ROR1: variants seen among roughly 807,000 people sequenced by gnomAD.
ROR1 encodes ROR family WNT receptor 1.
Under a neutral mutation model 78.8 loss-of-function variants are expected in ROR1, and 19 were observed. The ratio of observed to expected loss-of-function variants is 0.24; its 90% CI spans 0.17 to 0.35. The LOEUF (loss-of-function observed/expected upper bound fraction) is 0.35, where lower values mean the gene tolerates loss of function less well. Among genes scored for constraint, ROR1 ranks in the 10% least tolerant of loss-of-function variants. ROR1 has a pLI of 1.00. For missense variants in ROR1, 917 were observed against 1,177.8 expected (o/e 0.78, Z 3.24); for synonymous variants, 386 against 433.6 (o/e 0.89, Z 1.36).
At chr1:64,124,125 GAAT>G (rs1342931316) in intron 4 of ROR1, among the ~76,000 whole-genome samples, 2 of 152,154 alleles carry the variant, frequency 1.3e-5, no homozygotes, top group African/African-American at 4.8e-5. Flanking sequence ...TATGTGTACA[GAAT>G]ATATGCTACA....
At chr1:63,851,713 C>A (rs760604009) in intron 1 of ROR1, among the ~76,000 whole-genome samples, 12 of 152,136 alleles carry the variant, frequency 7.9e-5, no homozygotes, top group Non-Finnish European at 1.3e-4. Context: ...ATTATAAGCT[C>A]ATTTGGTAGG....
intron 1 of ROR1, among the ~76,000 whole-genome samples, chr1:63,871,218 T>G (rs1645249533): frequency 6.6e-6 from 1 of 152,182 alleles, no homozygotes; most frequent in South Asian, 2.1e-4. Context: ...TATTTCAAAA[T>G]CTATGAAAAG....
At chr1:64,063,873 T>C (rs1184865499) in intron 4 of ROR1, among the ~76,000 whole-genome samples, 1 of 152,206 alleles carries the variant, frequency 6.6e-6, no homozygotes, top group African/African-American at 2.4e-5. Context: ...CCAAGTGATG[T>C]CATGTCCATG....
chr1:63,774,386 C>G lies in ROR1; in HGVS notation c.-32C>G. The G allele has an allele frequency of 8.6e-7, 1 of 1,163,090 alleles. No individual in the cohort carries two copies. The highest frequency in any genetic ancestry group is 1.1e-6 in the Non-Finnish European group (1 of 917,238). The allele number at this position is 1,163,090 out of a possible 1,614,324, so 72.0% of individuals were successfully genotyped here. ...GGATGTTCTGCGCGCGGCCTGGGAG[C>G]CGCCGCCGCCGCCGCCTCAGCGAGA... is the stretch of plus-strand genomic sequence containing the variant. On this transcript the variant is annotated 5_prime_UTR_variant, in exon 1 of 9. Coordinates refer to ENST00000371079, the MANE Select transcript of ROR1 (RefSeq NM_005012.4). This position sits in a 1 kb window ranked among gnomAD's most constrained non-coding sequence, Gnocchi z 5.7.
At chr1:63,780,397 T>A (rs1644643872) in intron 1 of ROR1, among the ~76,000 whole-genome samples, 1 of 152,170 alleles carries the variant, frequency 6.6e-6, no homozygotes, top group South Asian at 2.1e-4. Flanking sequence ...TGAGCCTCTG[T>A]TTTCTTATCT....
At chr1:63,828,111 A>T (rs1283927962) in intron 1 of ROR1, among the ~76,000 whole-genome samples, 1 of 152,208 alleles carries the variant, frequency 6.6e-6, no homozygotes, top group Non-Finnish European at 1.5e-5. Flanking sequence ...AGAGAAAAAA[A>T]ATTCCACTTA....
rs556497678 is a variant in ROR1 at position 64,108,395 on chromosome 1, T to TAAAAA, written c.483-28940_483-28936dup. 1.1e-3 allele frequency: 52 copies of TAAAAA among 48,292 alleles called. 6 individuals carry two copies. Among genetic ancestry groups the TAAAAA allele is most frequent in the African/African-American group, 3.7e-3 (47 of 12,574 alleles). The allele number at this position is 48,292 out of a possible 1,614,324, so 3.0% of individuals were successfully genotyped here. On this transcript the variant is annotated intron_variant, in intron 4 of 8. Transcript: ENST00000371079. ...ATGGGCGACAGAGTGAGACTCCATC[T>TAAAAA]AAAAAAAAAAAAAAAAAAAAAAAAA...
In ROR1 at chr1:63,924,932, C is replaced by CTTT. The variant is rs751680204; in HGVS notation, c.92-84351_92-84349dup. Among the ~76,000 whole-genome samples the CTTT allele has an allele frequency of 9.6e-3, 817 of 84,972 alleles. 16 individuals carry two copies. Among genetic ancestry groups the CTTT allele is most frequent in the African/African-American group, 0.031 (783 of 25,488 alleles). 55.7% of individuals were successfully genotyped at this position (84,972 alleles called of 152,430 possible). On this transcript the variant is annotated intron_variant, in intron 1 of 8. Transcript: ENST00000371079. ...GCGGATTGGACCAGCAAAGGGGATG[C>CTTT]TTTTTTTTTTTTTTTTTTTTTTTTA...
At chr1:63,977,291 A>G (rs1427269800) in intron 1 of ROR1, among the ~76,000 whole-genome samples, 1 of 152,196 alleles carries the variant, frequency 6.6e-6, no homozygotes, top group African/African-American at 2.4e-5. Flanking sequence ...TATTTATACA[A>G]TATTTTTTAG....
intron 1 of ROR1, among the ~76,000 whole-genome samples, chr1:63,925,448 A>G (rs1645694224): frequency 1.3e-5 from 2 of 152,000 alleles, no homozygotes; most frequent in African/African-American, 2.4e-5. Context: ...AGTTTTTGCT[A>G]TCGTGAATAA....
At chr1:63,835,393 A>G (rs1645013921) in intron 1 of ROR1, among the ~76,000 whole-genome samples, 1 of 152,222 alleles carries the variant, frequency 6.6e-6, no homozygotes, top group African/African-American at 2.4e-5. Context: ...CTCCAGAGCA[A>G]AAAGATTAGA....
intron 4 of ROR1, among the ~76,000 whole-genome samples, chr1:64,092,724 G>A (rs1299893200): frequency 1.3e-5 from 2 of 152,294 alleles, no homozygotes; most frequent in East Asian, 3.9e-4. Flanking sequence ...CAGCATACCT[G>A]ACTTCAATAT....
chr1:64,121,132 C>CTTTTT, intron 4 of ROR1, among the ~76,000 whole-genome samples: 1 of 126,676 alleles, frequency 7.9e-6, no homozygotes, highest in African/African-American at 3.2e-5. Context: ...TCTTCTTTCC[C>CTTTTT]TTCCCTTCCT....
At chr1:63,846,149 TG>T (rs1327471833) in intron 1 of ROR1, among the ~76,000 whole-genome samples, 23 of 150,406 alleles carry the variant, frequency 1.5e-4, no homozygotes, top group African/African-American at 5.4e-4. Flanking sequence ...TGTGTGTGTG[TG>T]TGTGTGTGTG....
rs543081778 is a variant in ROR1, at chr1:63,855,101, T to C, written c.91+80593T>C. ...GCTGACTATATATACTAATGAACAC[T>C]ACTTTGGATTATATGAAAATACCCA... is the stretch of plus-strand genomic sequence containing the variant. On this transcript the variant is annotated intron_variant, in intron 1 of 8. Coordinates refer to ENST00000371079, the MANE Select transcript of ROR1 (RefSeq NM_005012.4). 5.3e-5 allele frequency among the ~76,000 whole-genome samples: 8 copies of C among 152,264 alleles called. No individual in the cohort carries two copies. In the Middle Eastern group the frequency reaches 0.01, roughly 194 times the overall value.
At chr1:64,016,227 G>A (rs1163217328) in intron 2 of ROR1, among the ~76,000 whole-genome samples, 5 of 152,078 alleles carry the variant, frequency 3.3e-5, no homozygotes, top group Admixed American at 2.0e-4. Flanking sequence ...CCAATGCTGC[G>A]TGAACCAGTA....
At chr1:64,087,813 G>A (rs758176015) in intron 4 of ROR1, among the ~76,000 whole-genome samples, 3 of 152,156 alleles carry the variant, frequency 2.0e-5, no homozygotes, top group African/African-American at 7.2e-5. Context: ...TCAGTCTGTC[G>A]ACAAGGAACT....
chr1:64,034,919 TACC>T (rs200256936), intron 2 of ROR1, among the ~76,000 whole-genome samples: 10,266 of 152,274 alleles, frequency 0.067, 507 homozygotes, highest in African/African-American at 0.15. Context: ...TCGAGGTAGA[TACC>T]TACCTTTCCA....
chr1:63,797,351 T>C (rs561837033), intron 1 of ROR1, among the ~76,000 whole-genome samples: 2 of 152,350 alleles, frequency 1.3e-5, no homozygotes, highest in East Asian at 3.9e-4. Context: ...CAGCTTTTTT[T>C]CTGCTGTGCC....
Sources: allele counts gnomAD v4.1 joint callset (sites outside exome capture counted in the v4.1 genomes callset), GRCh38; gene constraint gnomAD v4.1.1; non-coding constraint Gnocchi (gnomAD v3.1); transcripts MANE v1.5; gene names NCBI Gene and HGNC (gene_info 2026-07-23, HGNC 2026-07-21).